PRDM4: variants seen among roughly 807,000 people sequenced by gnomAD.
The protein encoded by PRDM4 is PR domain zinc finger protein 4.
In PRDM4, 38 loss-of-function variants were observed where a neutral mutation model predicts 62.3. The ratio of observed to expected loss-of-function variants is 0.61; its 90% confidence interval spans 0.47 to 0.80. PRDM4 has a LOEUF of 0.80. Ranked by LOEUF, PRDM4 falls within the 30% of genes least tolerant of loss-of-function variation. PRDM4 has a pLI of 0.00. For synonymous variants in PRDM4, 339 were observed against 348.2 expected, an observed-to-expected ratio of 0.97 and a Z score of 0.30; for missense variants, 858 against 997.1, an observed-to-expected ratio of 0.86 and a Z score of 1.88.
chr12:107,758,865 G>T (rs1891142378), intron 2 of PRDM4, among the ~76,000 whole-genome samples: 1 of 152,104 alleles, frequency 6.6e-6, no homozygotes, highest in African/African-American at 2.4e-5. Flanking sequence ...TATTTTATCG[G>T]ATGGAGCTAT....
At chr12:107,744,411 C>T (rs1334473100) in intron 7 of PRDM4, 132 bp downstream of exon 7, 16 of 1,010,178 alleles carry the variant, frequency 1.6e-5, no homozygotes, top group South Asian at 4.3e-5. Flanking sequence ...AAAAAATGTA[C>T]GTGAAATAAA....
At chr12:107,736,282 G>A (rs144825389) in intron 11 of PRDM4, among the ~76,000 whole-genome samples, 5 of 152,284 alleles carry the variant, frequency 3.3e-5, no homozygotes, top group East Asian at 1.9e-4. Context: ...TAAAGACTAC[G>A]AAAACACACG....
chr12:107,741,848 T>G lies in PRDM4; in HGVS notation c.1609+373A>C, dbSNP rs191819486. Among the ~76,000 whole-genome samples, 44 of 152,318 alleles carry G rather than the reference T, an allele frequency of 2.9e-4. 1 individual carries two copies. In the East Asian group the frequency reaches 7.9e-3, roughly 27 times the overall value. ...ATAGCATACCCAAACTCTTAAACAT[T>G]AGCTGTCATCATGAAACAGCACAGC... On this transcript the variant is annotated intron_variant, in intron 9 of 11. Coordinates refer to ENST00000228437, the MANE Select transcript of PRDM4 (RefSeq NM_012406.4).
chr12:107,744,450 G>A (rs768121431), intron 7 of PRDM4, 93 bp downstream of exon 7: 199 of 1,436,116 alleles, frequency 1.4e-4, no homozygotes, highest in Non-Finnish European at 1.8e-4. Flanking sequence ...CACTGTATCA[G>A]TTCTGGCTGA....
intron 4 of PRDM4, among the ~76,000 whole-genome samples, chr12:107,753,406 G>A (rs571509631): frequency 2.2e-5 from 3 of 135,022 alleles, no homozygotes; most frequent in African/African-American, 7.3e-5. Context: ...AAAAAAGAGA[G>A]CAAGAGAAGA....
At chr12:107,745,780 A>C (rs1468667309) in intron 6 of PRDM4, among the ~76,000 whole-genome samples, 1 of 152,234 alleles carries the variant, frequency 6.6e-6, no homozygotes, top group Non-Finnish European at 1.5e-5. Flanking sequence ...TTATATTTCC[A>C]AAGAAATGTC....
intron 9 of PRDM4, 127 bp from the exon 10 acceptor site, chr12:107,741,387 C>T (rs1430083101): frequency 3.4e-6 from 3 of 886,402 alleles, no homozygotes; most frequent in African/African-American, 3.4e-5. Flanking sequence ...TCCTATAAAA[C>T]TAAAATAATG....
rs914909063 is a variant in PRDM4, at chr12:107,733,206, G to A, written c.*1004C>T. 6.6e-6 allele frequency: 1 copy of A among 152,224 alleles called. No individual in the cohort carries two copies. Among genetic ancestry groups the A allele is most frequent in the Non-Finnish European group, 1.5e-5 (1 of 68,058 alleles). The allele number at this position is 152,224 out of a possible 1,614,324, so 9.4% of individuals were successfully genotyped here. A position where few individuals can be genotyped will look rare whatever the true frequency, so the allele number is the denominator to read the frequency against. On this transcript the variant is annotated 3_prime_UTR_variant, in exon 12 of 12. Transcript: ENST00000228437. The stretch of plus-strand genomic sequence containing the variant: ...TTGGCATCTTCCATGCTTCTCTGAT[G>A]AGGTTCCTCAGCACTGAGACAACTG...
intron 5 of PRDM4, among the ~76,000 whole-genome samples, chr12:107,749,414 T>TC (rs1341895222): frequency 7.8e-6 from 1 of 128,356 alleles, no homozygotes; most frequent in Admixed American, 7.9e-5. Flanking sequence ...TTTTTTTTTT[T>TC]CCTGAGACAG....
chr12:107,756,851 G>A lies in PRDM4; in HGVS notation c.126C>T (p.His42=). The part of the protein sequence containing the change: ...SHLGLAASPT[H]SAIPAPGLPV... The stretch of plus-strand genomic sequence containing the variant: ...ACTCACCTGGGGCAGGGATGGCACT[G>A]TGAGTGGGTGAGGCAGCCAATCCCA... The change falls in exon 3 of 12, where the codon CAC becomes CAT. Residue 42 remains histidine, a synonymous_variant. Transcript: ENST00000228437. 6.2e-7 allele frequency: 1 copy of A among 1,614,180 alleles called. No homozygotes were observed. Among genetic ancestry groups the A allele is most frequent in the Non-Finnish European group, 8.5e-7 (1 of 1,180,026 alleles).
In PRDM4 at chr12:107,733,936, C is replaced by T. The variant is rs1310524694; in HGVS notation, c.*274G>A. On this transcript the variant is annotated 3_prime_UTR_variant, in exon 12 of 12. Transcript: ENST00000228437. The stretch of plus-strand genomic sequence containing the variant: ...CTTTGATTCAGGCATAAATGCATCT[C>T]CCAGATTATCATGTAAATAAAGACC... 2.8e-6 allele frequency: 1 copy of T among 361,808 alleles called. No individual in the cohort carries two copies. Among genetic ancestry groups the T allele is most frequent in the South Asian group, 5.9e-5 (1 of 16,950 alleles). 22.4% of individuals were successfully genotyped at this position (361,808 alleles called of 1,614,324 possible).
intron 7 of PRDM4, 34 bp downstream of exon 7, chr12:107,744,509 C>T: frequency 6.3e-7 from 1 of 1,592,826 alleles, no homozygotes. Context: ...AGAAAAACAG[C>T]CAAAAGCCAC....
At chr12:107,754,631 C>T (rs1386091500) in intron 3 of PRDM4, among the ~76,000 whole-genome samples, 1 of 152,102 alleles carries the variant, frequency 6.6e-6, no homozygotes, top group Non-Finnish European at 1.5e-5. Context: ...GATCTGCCCA[C>T]CTCAGCCTCC....
chr12:107,754,970 TTATA>T (rs530928148), intron 3 of PRDM4: 91 of 152,358 alleles, frequency 6.0e-4, no homozygotes, highest in African/African-American at 1.9e-3. Flanking sequence ...AAACGTGAGA[TTATA>T]TCTACTTTGA....
At chr12:107,759,313 T>C (rs1457727067) in intron 2 of PRDM4, among the ~76,000 whole-genome samples, 4 of 152,180 alleles carry the variant, frequency 2.6e-5, no homozygotes, top group Non-Finnish European at 4.4e-5. Context: ...ACCTTAATTT[T>C]GAAAGTTGCT....
intron 11 of PRDM4, 48 bp from the exon 12 acceptor site, chr12:107,734,570 A>T (rs751281315): frequency 2.6e-6 from 4 of 1,528,088 alleles, no homozygotes; most frequent in Non-Finnish European, 3.6e-6. Context: ...TACAAATAAC[A>T]ACTGAGGCAA....
intron 11 of PRDM4, among the ~76,000 whole-genome samples, chr12:107,738,878 AACACACAC>A (rs111582421): frequency 0.53 from 77,420 of 146,864 alleles, 22,546 homozygotes; most frequent in East Asian, 0.69. Flanking sequence ...AATTCAGACA[AACACACAC>A]ACACACACAC....
chr12:107,740,843 G>A lies in PRDM4; in HGVS notation c.1924+103C>T, dbSNP rs532138159. 8.0e-5 allele frequency: 97 copies of A among 1,215,510 alleles called. No individual in the cohort carries two copies. In the African/African-American group the frequency reaches 1.2e-3, roughly 15 times the overall value. The allele number at this position is 1,215,510 out of a possible 1,614,324, so 75.3% of individuals were successfully genotyped here. A position where few individuals can be genotyped will look rare whatever the true frequency, so the allele number is the denominator to read the frequency against. On this transcript the variant is annotated intron_variant, in intron 10 of 11. Transcript: ENST00000228437. The stretch of plus-strand genomic sequence containing the variant: ...TTAAACCACGAAGGTTTCTTTCTCT[G>A]ACATCAAATCTCAACTCCACCTACA...
intron 4 of PRDM4, among the ~76,000 whole-genome samples, chr12:107,752,957 G>A (rs1481186152): frequency 6.6e-6 from 1 of 152,166 alleles, no homozygotes; most frequent in Non-Finnish European, 1.5e-5. Flanking sequence ...CCATTCAGTA[G>A]AAAGTAATGC....
Sources: gnomAD v4.1 joint callset for allele counts (sites outside exome capture counted in the v4.1 genomes callset) on GRCh38, gnomAD v4.1.1 for gene constraint, MANE v1.5 for transcripts, NCBI Gene and HGNC (gene_info 2026-07-23, HGNC 2026-07-21) for gene names.